Variants in SUGP1 observed in about 807,000 individuals in gnomAD.
SUGP1 encodes SURP and G-patch domain-containing protein 1.
Under a neutral mutation model 76.5 loss-of-function variants are expected in SUGP1, and 34 were observed. The ratio of observed to expected loss-of-function variants is 0.44; its 90% CI spans 0.34 to 0.59. The LOEUF (loss-of-function observed/expected upper bound fraction) is 0.59, where lower values mean the gene tolerates loss of function less well. Ranked by LOEUF, SUGP1 falls within the 20% of genes least tolerant of loss-of-function variation. The pLI is 0.01. For missense variants in SUGP1, 752 were observed against 851.7 expected (o/e 0.88, Z 1.46); for synonymous variants, 326 against 326.2 (o/e 1.00, Z 0.01).
At chr19:19,306,106 G>C in intron 3 of SUGP1, 30 bp from the exon 4 acceptor site, 1 of 1,501,380 alleles carries the variant, frequency 6.7e-7, no homozygotes, top group Non-Finnish European at 8.9e-7. Flanking sequence ...ATGCGCACTC[G>C]GGATCTGCAG....
intron 3 of SUGP1, among the ~76,000 whole-genome samples, chr19:19,309,877 A>C (rs1599869172): frequency 6.6e-6 from 1 of 152,166 alleles, no homozygotes; most frequent in Non-Finnish European, 1.5e-5. Context: ...GCGCCACCGC[A>C]CTCCAGCCTG....
Position 19,320,475 on chromosome 19 carries a change from G to T in SUGP1, c.22C>A (p.Arg8=). Residue 8 remains arginine (R), a synonymous_variant, in exon 1 of 14, where the codon CGG becomes AGG. Coordinates refer to ENST00000247001, the MANE Select transcript of SUGP1 (RefSeq NM_172231.4). The part of the protein sequence containing the change: MSLKMDN[R]DVAGKANRWF... Reference sequence around the variant, plus strand: ...CGGGGGCTGTTACCTGCAACATCCCGGTTGTCCATCTTGAGACTCATCCAA... The same window carrying T: ...CGGGGGCTGTTACCTGCAACATCCCTGTTGTCCATCTTGAGACTCATCCAA... 1 of 1,610,316 alleles carries T rather than the reference G, an allele frequency of 6.2e-7. No individual in the cohort carries two copies. Among genetic ancestry groups the T allele is most frequent in the Non-Finnish European group, 8.5e-7 (1 of 1,178,660 alleles).
chr19:19,293,740 A>G (rs1166936254), intron 8 of SUGP1, among the ~76,000 whole-genome samples: 2 of 152,220 alleles, frequency 1.3e-5, no homozygotes, highest in African/African-American at 2.4e-5. Flanking sequence ...AAGGATGCAC[A>G]CTTCCACCAT....
chr19:19,296,966 G>A (rs759618518), intron 8 of SUGP1, 23 bp downstream of exon 8: 1 of 1,534,856 alleles, frequency 6.5e-7, no homozygotes, highest in African/African-American at 1.4e-5. Flanking sequence ...TCCAACACAG[G>A]GAGGGGGAGA....
At chr19:19,313,975 C>T (rs2061371910) in intron 2 of SUGP1, among the ~76,000 whole-genome samples, 1 of 151,944 alleles carries the variant, frequency 6.6e-6, no homozygotes, top group Non-Finnish European at 1.5e-5. Flanking sequence ...CCCATCTCTA[C>T]TAAAATACAA....
At position 19,306,069 on chromosome 19, in the gene SUGP1, C is replaced by T. The variant is rs1313971159; in HGVS notation, c.318G>A (p.Pro106=). ...TGGGAGGGGCGCTGGGCGCACTGGT[C>T]GGGGCGTCTGGTATAGAAGGAAGGA... ...LQKAQTSTDA[P]TSAPSAPPST... Residue 106 remains proline (P), a synonymous_variant, in exon 4 of 14, where the codon CCG becomes CCA. Coordinates refer to ENST00000247001, the MANE Select transcript of SUGP1 (RefSeq NM_172231.4). 2 of 1,596,282 alleles carry T rather than the reference C, an allele frequency of 1.3e-6. No homozygotes were observed. Among genetic ancestry groups the T allele is most frequent in the Non-Finnish European group, 1.7e-6 (2 of 1,172,142 alleles).
In SUGP1 at chr19:19,297,359, T is replaced by TG. The variant is rs777598624; in HGVS notation, c.888-16dup. Reference sequence around the variant, plus strand: ...CATACAGAAAGCTGCAAAGGAGAGTTGGGGGGTGCAGTGTCAGCTGGGCCC... The same window carrying TG: ...CATACAGAAAGCTGCAAAGGAGAGTTGGGGGGGTGCAGTGTCAGCTGGGCCC... On this transcript the variant is annotated splice_polypyrimidine_tract_variant and intron_variant, in intron 7 of 13. Coordinates refer to ENST00000247001, the MANE Select transcript of SUGP1 (RefSeq NM_172231.4). The TG allele has an allele frequency of 9.0e-5, 134 of 1,484,644 alleles. No individual in the cohort carries two copies. Among genetic ancestry groups the TG allele is most frequent in the Non-Finnish European group, 1.2e-4 (129 of 1,108,356 alleles). 92.0% of individuals were successfully genotyped at this position (1,484,644 alleles called of 1,614,324 possible).
chr19:19,295,733 G>A (rs1456423388), intron 8 of SUGP1, among the ~76,000 whole-genome samples: 1 of 152,062 alleles, frequency 6.6e-6, no homozygotes, highest in East Asian at 1.9e-4. Flanking sequence ...AACTGGGCAT[G>A]GTGGGGCAAG....
In SUGP1 at chr19:19,276,185, G is replaced by A. The variant is rs1391673516; in HGVS notation, c.*463C>T. The A allele has an allele frequency of 6.2e-6, 1 of 160,394 alleles. No homozygotes were observed. The highest frequency in any genetic ancestry group is 2.4e-5 in the African/African-American group (1 of 41,552). The allele number at this position is 160,394 out of a possible 1,614,324, so 9.9% of individuals were successfully genotyped here. On this transcript the variant is annotated 3_prime_UTR_variant, in exon 14 of 14. Transcript: ENST00000247001. The stretch of plus-strand genomic sequence containing the variant: ...TCCTGCCTCTGCCTCCCGAGTAGCT[G>A]AGACGACAGGTGTGCACCACCATGC...
chr19:19,310,749 T>C (rs998541904), intron 2 of SUGP1, among the ~76,000 whole-genome samples: 1 of 152,134 alleles, frequency 6.6e-6, no homozygotes, highest in Non-Finnish European at 1.5e-5. Flanking sequence ...GCTCAAGAGA[T>C]TGTCATGTCT....
chr19:19,312,403 G>A (rs538373014), intron 2 of SUGP1, among the ~76,000 whole-genome samples: 11 of 152,114 alleles, frequency 7.2e-5, no homozygotes, highest in Non-Finnish European at 1.6e-4. Flanking sequence ...ATTTCCTACT[G>A]TAGCACACCA....
chr19:19,304,946 C>T (rs1168069886), intron 4 of SUGP1, among the ~76,000 whole-genome samples: 1 of 152,134 alleles, frequency 6.6e-6, no homozygotes, highest in Non-Finnish European at 1.5e-5. Context: ...GGAACAGGTG[C>T]GTTTCTGAGG....
chr19:19,277,271 C>A (rs569403633), intron 12 of SUGP1, among the ~76,000 whole-genome samples, 195 bp from the exon 13 acceptor site: 1 of 149,682 alleles, frequency 6.7e-6, no homozygotes, highest in Non-Finnish European at 1.5e-5. Context: ...GGGCCTAGGC[C>A]CCAGGGTCCC....
chr19:19,309,327 A>G (rs1048578288), intron 3 of SUGP1, among the ~76,000 whole-genome samples: 1 of 152,188 alleles, frequency 6.6e-6, no homozygotes, highest in African/African-American at 2.4e-5. Context: ...TCTACAAAAA[A>G]TAAAAAAATT....
At chr19:19,296,634 G>A (rs1263260108) in intron 8 of SUGP1, among the ~76,000 whole-genome samples, 3 of 149,508 alleles carry the variant, frequency 2.0e-5, no homozygotes, top group South Asian at 2.1e-4. Context: ...GCAACAGAGC[G>A]AGACTCTGTC....
In SUGP1 at chr19:19,303,341, CA is replaced by C. The variant is rs2061286682; in HGVS notation, c.763+6del. 1 of 1,613,240 alleles carries C rather than the reference CA, an allele frequency of 6.2e-7. No homozygotes were observed. Among genetic ancestry groups the C allele is most frequent in the Admixed American group, 1.7e-5 (1 of 60,010 alleles). On this transcript the variant is annotated splice_donor_region_variant and intron_variant, in intron 6 of 13. Transcript: ENST00000247001. ...CCCAGAATCTCCCACCCGCTCCGTC[CA>C]CCTACCTTTCTGAGAGGCTGCCTGC...
chr19:19,282,580 C>A (rs2061106857), intron 8 of SUGP1, among the ~76,000 whole-genome samples: 2 of 152,062 alleles, frequency 1.3e-5, no homozygotes, highest in Admixed American at 6.5e-5. Context: ...TGTACCTCCA[C>A]AAACCTAGAT....
chr19:19,320,458 G>C lies in SUGP1; in HGVS notation c.34+5C>G, dbSNP rs1490486450. On this transcript the variant is annotated splice_donor_5th_base_variant and intron_variant, in intron 1 of 13. Transcript: ENST00000247001. ...GGCCGCCTGAGAGGAGGCGGGGGCTGTTACCTGCAACATCCCGGTTGTCCA... is the reference window on the plus strand; with the variant it reads ...GGCCGCCTGAGAGGAGGCGGGGGCTCTTACCTGCAACATCCCGGTTGTCCA... 1.2e-6 allele frequency: 2 copies of C among 1,610,082 alleles called. No homozygotes were observed. Among genetic ancestry groups the C allele is most frequent in the African/African-American group, 1.3e-5 (1 of 74,770 alleles).
intron 8 of SUGP1, chr19:19,280,643 G>A: frequency 3.9e-6 from 1 of 259,532 alleles, no homozygotes; most frequent in Non-Finnish European, 7.6e-6. Context: ...AGCTGAGACG[G>A]CATGTGGGCA....
Sources: allele counts gnomAD v4.1 joint callset (sites outside exome capture counted in the v4.1 genomes callset), GRCh38; gene constraint gnomAD v4.1.1; transcripts MANE v1.5; gene names NCBI Gene and HGNC (gene_info 2026-07-23, HGNC 2026-07-21).